The following DENND5B variants were observed in gnomAD, a reference collection of about 807,000 sequenced individuals.
The protein encoded by DENND5B is DENN domain-containing protein 5B.
Under a neutral mutation model 140.6 loss-of-function variants are expected in DENND5B, and 34 were observed. The ratio of observed to expected loss-of-function variants is 0.24; its 90% CI spans 0.18 to 0.32. The LOEUF is 0.32. Among genes scored for constraint, DENND5B ranks in the 10% least tolerant of loss-of-function variants. The pLI, the probability that DENND5B is intolerant of heterozygous loss-of-function variation, is 1.00. For synonymous variants in DENND5B, 551 were observed against 562.1 expected, an observed-to-expected ratio of 0.98 and a Z score of 0.28; for missense variants, 1,142 against 1,560.2, an observed-to-expected ratio of 0.73 and a Z score of 4.52.
intron 10 of DENND5B, among the ~76,000 whole-genome samples, chr12:31,424,260 G>A (rs1460342037): frequency 6.6e-6 from 1 of 152,160 alleles, no homozygotes; most frequent in African/African-American, 2.4e-5. Flanking sequence ...ATTCTGGACA[G>A]TGACAAAGGC....
At chr12:31,431,448 G>C (rs564377577) in intron 8 of DENND5B, among the ~76,000 whole-genome samples, 1 of 152,296 alleles carries the variant, frequency 6.6e-6, no homozygotes, top group East Asian at 1.9e-4. Context: ...TAGAAGTCAG[G>C]AGTCTTGGGC....
Position 31,576,156 on chromosome 12 carries a change from A to AGAAG in DENND5B, c.127+14549_127+14550insCTTC, listed in dbSNP as rs1555176282. 2.3e-3 allele frequency among the ~76,000 whole-genome samples: 302 copies of AGAAG among 131,176 alleles called. 4 individuals are homozygous for AGAAG. Among genetic ancestry groups the AGAAG allele is most frequent in the African/African-American group, 8.1e-3 (277 of 33,990 alleles). 86.1% of individuals were successfully genotyped at this position (131,176 alleles called of 152,430 possible). On this transcript the variant is annotated intron_variant, in intron 1 of 20. Transcript: ENST00000389082. Reference sequence around the variant, plus strand: ...GCTCTGTCTCCAAAAAAAAAAAAAAAAAGAAGAATGAGGCCGCGCGCACAG... The same window carrying AGAAG: ...GCTCTGTCTCCAAAAAAAAAAAAAAAGAAGAAGAAGAATGAGGCCGCGCGCACAG...
intron 3 of DENND5B, among the ~76,000 whole-genome samples, chr12:31,469,710 G>A (rs1488913047): frequency 6.6e-6 from 1 of 152,152 alleles, no homozygotes; most frequent in East Asian, 1.9e-4. Context: ...GGTCCTGGGG[G>A]TGGATCTCTC....
chr12:31,513,337 T>C (rs913254614), intron 1 of DENND5B, among the ~76,000 whole-genome samples: 9 of 152,214 alleles, frequency 5.9e-5, no homozygotes, highest in African/African-American at 1.7e-4. Context: ...CTTTTCTATA[T>C]TGCAATCTTC....
At chr12:31,497,771 G>A (rs1193039464) in intron 1 of DENND5B, among the ~76,000 whole-genome samples, 8 of 90,564 alleles carry the variant, frequency 8.8e-5, no homozygotes, top group Non-Finnish European at 1.6e-4. Context: ...AAGGGGGAGC[G>A]GCATGGGGAG....
At chr12:31,427,549 T>A (rs1943302385) in intron 8 of DENND5B, among the ~76,000 whole-genome samples, 1 of 148,968 alleles carries the variant, frequency 6.7e-6, no homozygotes, top group Non-Finnish European at 1.5e-5. Context: ...GAGATTGCAG[T>A]GAGTGGAGAT....
At chr12:31,419,702 A>C (rs1942929589) in intron 11 of DENND5B, among the ~76,000 whole-genome samples, 1 of 152,096 alleles carries the variant, frequency 6.6e-6, no homozygotes, top group Non-Finnish European at 1.5e-5. Flanking sequence ...GGCCAGGCAC[A>C]GTGGCTTACA....
chr12:31,396,009 A>G (rs1355862120), intron 17 of DENND5B, among the ~76,000 whole-genome samples: 1 of 147,790 alleles, frequency 6.8e-6, no homozygotes, highest in Non-Finnish European at 1.5e-5. Context: ...CTAGGGGAAA[A>G]TCCCTTCCTT....
intron 1 of DENND5B, among the ~76,000 whole-genome samples, chr12:31,504,259 G>A (rs1011095380): frequency 5.9e-5 from 9 of 152,128 alleles, no homozygotes; most frequent in African/African-American, 2.2e-4. Context: ...GAATGTACAT[G>A]GGCAGCTCTG....
Position 31,495,862 on chromosome 12 carries a change from T to C in DENND5B, c.185A>G (p.His62Arg). 1 of 1,613,346 alleles carries C rather than the reference T, an allele frequency of 6.2e-7. No homozygotes were observed. The highest frequency in any genetic ancestry group is 1.3e-5 in the African/African-American group (1 of 75,056). Residue 62 changes from histidine (H) to arginine (R), a missense_variant, in exon 2 of 21, where the codon CAC (histidine) becomes CGC (arginine). His to Arg is a conservative substitution (Grantham distance 29, BLOSUM62 0). Coordinates refer to ENST00000389082, the MANE Select transcript of DENND5B (RefSeq NM_144973.4). The stretch of plus-strand genomic sequence containing the variant: ...GTTCCATTCTATATTCTGAGGATAG[T>C]GGGCGAGAACTTTGGATTTGAATGT... ...RRTFKSKVLA[H>R]YPQNIEWNPF...
At position 31,387,676 on chromosome 12, in the gene DENND5B, A is replaced by G; in HGVS notation, c.3752T>C (p.Ile1251Thr). Residue 1251 changes from isoleucine to threonine, a missense_variant, in exon 21 of 21, where the codon ATC (isoleucine) becomes ACC (threonine). Physicochemically the swap from Ile to Thr is moderately conservative, Grantham distance 89. Transcript: ENST00000389082. ...GTCCTGAATGGTCTGCAGAATTCGG[A>G]TAAGGGAGTTGACAGTCATGCGGTC... ...LRDRMTVNSL[I>T]RILQTIQDFT... is the part of the protein sequence containing the mutation. 1 of 1,614,026 alleles carries G rather than the reference A, an allele frequency of 6.2e-7. No individual in the cohort carries two copies. Among genetic ancestry groups the G allele is most frequent in the Non-Finnish European group, 8.5e-7 (1 of 1,179,902 alleles).
chr12:31,440,800 G>T (rs1593172334), intron 7 of DENND5B, among the ~76,000 whole-genome samples: 1 of 152,124 alleles, frequency 6.6e-6, no homozygotes. Context: ...CAGTAGCTGG[G>T]ACTATAGTTG....
At chr12:31,471,696 C>A (rs1275221842) in intron 3 of DENND5B, among the ~76,000 whole-genome samples, 1 of 151,972 alleles carries the variant, frequency 6.6e-6, no homozygotes, top group Admixed American at 6.6e-5. Flanking sequence ...GAACTAATTT[C>A]GAGGCAGTAT....
At chr12:31,449,833 C>T (rs1404527756) in intron 5 of DENND5B, among the ~76,000 whole-genome samples, 1 of 149,532 alleles carries the variant, frequency 6.7e-6, no homozygotes, top group African/African-American at 2.5e-5. Context: ...CGGGTTCATG[C>T]CATTCTTCTG....
At chr12:31,440,265 G>A (rs1943975274) in intron 7 of DENND5B, among the ~76,000 whole-genome samples, 1 of 152,030 alleles carries the variant, frequency 6.6e-6, no homozygotes, top group South Asian at 2.1e-4. Flanking sequence ...GCACGTCGTG[G>A]CTTCCAACTC....
At chr12:31,498,997 T>C (rs1399041575) in intron 1 of DENND5B, among the ~76,000 whole-genome samples, 1 of 146,292 alleles carries the variant, frequency 6.8e-6, no homozygotes, top group East Asian at 2.0e-4. Context: ...AAAAGAGAAT[T>C]TAGAAATGAC....
chr12:31,424,910 A>C (rs578160588), intron 9 of DENND5B, among the ~76,000 whole-genome samples: 52 of 152,356 alleles, frequency 3.4e-4, no homozygotes, highest in Middle Eastern at 3.4e-3. Flanking sequence ...ACTAAAGAGA[A>C]TATAAGATAA....
chr12:31,498,243 C>T (rs1466009887), intron 1 of DENND5B, among the ~76,000 whole-genome samples: 1 of 152,068 alleles, frequency 6.6e-6, no homozygotes. Flanking sequence ...AAGACATAAC[C>T]TATCATAAAA....
Position 31,480,053 on chromosome 12 carries a change from A to G in DENND5B, c.440T>C (p.Val147Ala). ...QMHNAEHYSS[V>A]YASSSCSMDS... ...CATACTGCAGGAAGATGAAGCATAC[A>G]CACTGCTGTAATGCTCAGCGTTGTG... The change falls in exon 3 of 21, where the codon GTG becomes GCG. Residue 147 changes from valine (V) to alanine (A), a missense_variant. Physicochemically the swap from Val to Ala is moderately conservative, Grantham distance 64. Coordinates refer to ENST00000389082, the MANE Select transcript of DENND5B (RefSeq NM_144973.4). 3.7e-6 allele frequency: 6 copies of G among 1,614,000 alleles called. No homozygotes were observed. The highest frequency in any genetic ancestry group is 5.1e-6 in the Non-Finnish European group (6 of 1,179,846).
Sources: allele counts gnomAD v4.1 joint callset (sites outside exome capture counted in the v4.1 genomes callset), GRCh38; gene constraint gnomAD v4.1.1; transcripts MANE v1.5; gene names NCBI Gene and HGNC (gene_info 2026-07-23, HGNC 2026-07-21).